The following TASP1 variants were observed in gnomAD, a reference collection of about 807,000 sequenced individuals.
TASP1 encodes taspase 1.
A neutral mutation model predicts 56.6 loss-of-function variants in TASP1; 16 were observed. The observed-to-expected ratio is 0.28, with a 90% CI of 0.19 to 0.43. The LOEUF (loss-of-function observed/expected upper bound fraction) is 0.43, where lower values mean the gene tolerates loss of function less well. Ranked by LOEUF, TASP1 falls within the 20% of genes least tolerant of loss-of-function variation. The pLI is 1.00. For missense variants in TASP1, 393 were observed against 511.6 expected (o/e 0.77, Z 2.24); for synonymous variants, 179 against 184.2 (o/e 0.97, Z 0.23).
intron 8 of TASP1, among the ~76,000 whole-genome samples, chr20:13,555,649 C>T (rs1157939404): frequency 6.6e-6 from 1 of 152,110 alleles, no homozygotes; most frequent in Non-Finnish European, 1.5e-5. Flanking sequence ...TCAAAGTCAT[C>T]CATGAGGCTT....
At chr20:13,497,282 G>T (rs2043767496) in intron 10 of TASP1, among the ~76,000 whole-genome samples, 1 of 152,190 alleles carries the variant, frequency 6.6e-6, no homozygotes, top group Non-Finnish European at 1.5e-5. Context: ...CTTACTGCAA[G>T]GCAGCAGCCA....
chr20:13,383,684 TAAG>T, the TASP1 span, among the ~76,000 whole-genome samples: 2 of 151,826 alleles, frequency 1.3e-5, no homozygotes, highest in Non-Finnish European at 2.9e-5. Context: ...CTGCATGGAG[TAAG>T]AAGGACACTC....
chr20:13,151,164 T>C, the TASP1 span, among the ~76,000 whole-genome samples: 1 of 152,242 alleles, frequency 6.6e-6, no homozygotes, highest in African/African-American at 2.4e-5. Flanking sequence ...TGGCTTACTC[T>C]GTCTCACAGA....
At chr20:13,154,226 G>C in the TASP1 span, 1 of 1,525,876 alleles carries the variant, frequency 6.6e-7, no homozygotes, top group Non-Finnish European at 8.9e-7. Context: ...TTATGCATCT[G>C]GAATGGGGTG....
At chr20:13,587,578 AC>A (rs144532745) in intron 4 of TASP1, among the ~76,000 whole-genome samples, 17,203 of 152,106 alleles carry the variant, frequency 0.11, 1,118 homozygotes, top group East Asian at 0.2. Context: ...GACCAAAAAA[AC>A]ATCAAAGAAA....
At chr20:13,525,615 C>G (rs1194073179) in intron 10 of TASP1, among the ~76,000 whole-genome samples, 1 of 152,174 alleles carries the variant, frequency 6.6e-6, no homozygotes, top group Non-Finnish European at 1.5e-5. Flanking sequence ...TCCTAAAATG[C>G]AGGCCAGGTC....
chr20:13,579,978 T>A (rs186347423), intron 6 of TASP1, among the ~76,000 whole-genome samples: 1 of 152,320 alleles, frequency 6.6e-6, no homozygotes, highest in African/African-American at 2.4e-5. Flanking sequence ...CACAGAACAT[T>A]AATGTAACCT....
At chr20:13,493,214 C>T (rs930175730) in intron 10 of TASP1, among the ~76,000 whole-genome samples, 1 of 152,100 alleles carries the variant, frequency 6.6e-6, no homozygotes, top group African/African-American at 2.4e-5. Flanking sequence ...ACGCTTCATC[C>T]CGTCTACCAT....
the TASP1 span, among the ~76,000 whole-genome samples, chr20:13,378,594 T>C: frequency 6.6e-6 from 1 of 152,216 alleles, no homozygotes. Flanking sequence ...TTAGGTCTGC[T>C]TGGTCCAGAG....
chr20:13,632,520 T>C (rs912137073), intron 1 of TASP1, among the ~76,000 whole-genome samples: 18 of 152,150 alleles, frequency 1.2e-4, no homozygotes, highest in African/African-American at 4.1e-4. Context: ...AAAAGAAATG[T>C]GGAAGGTGAT....
At chr20:13,317,425 G>A in the TASP1 span, among the ~76,000 whole-genome samples, 2 of 151,360 alleles carry the variant, frequency 1.3e-5, no homozygotes, top group Admixed American at 1.3e-4. Flanking sequence ...TTATTTCATA[G>A]ATATCAATAA....
the TASP1 span, among the ~76,000 whole-genome samples, chr20:13,144,121 G>A: frequency 1.3e-5 from 2 of 152,104 alleles, no homozygotes; most frequent in African/African-American, 4.8e-5. Context: ...TCCCATGACT[G>A]GAATCCAAAC....
intron 4 of TASP1, among the ~76,000 whole-genome samples, chr20:13,602,739 T>C (rs1285247428): frequency 1.3e-5 from 2 of 152,132 alleles, no homozygotes; most frequent in Non-Finnish European, 2.9e-5. Flanking sequence ...AAGAATCTAA[T>C]GCCACCACTG....
intron 4 of TASP1, among the ~76,000 whole-genome samples, chr20:13,595,733 T>G (rs2047704055): frequency 6.6e-6 from 1 of 152,200 alleles, no homozygotes; most frequent in Non-Finnish European, 1.5e-5. Flanking sequence ...AAGGAAGTTC[T>G]GAGAGACCTA....
At chr20:13,595,447 C>T (rs1046839882) in intron 4 of TASP1, among the ~76,000 whole-genome samples, 1 of 152,136 alleles carries the variant, frequency 6.6e-6, no homozygotes, top group African/African-American at 2.4e-5. Flanking sequence ...TATAAAGAGT[C>T]AAGACCCATC....
intron 6 of TASP1, among the ~76,000 whole-genome samples, chr20:13,576,211 A>AGGGGG: frequency 1.1e-3 from 1 of 902 alleles, no homozygotes; most frequent in East Asian, 0.016. Flanking sequence ...CAGAAGGGGG[A>AGGGGG]GGGGAGGGGA....
At chr20:13,209,711 A>C in the TASP1 span, among the ~76,000 whole-genome samples, 1 of 152,194 alleles carries the variant, frequency 6.6e-6, no homozygotes, top group East Asian at 1.9e-4. Flanking sequence ...TAGCTTATGA[A>C]AGTTCTATAA....
At chr20:13,159,719 T>A in the TASP1 span, among the ~76,000 whole-genome samples, 1 of 152,176 alleles carries the variant, frequency 6.6e-6, no homozygotes, top group Non-Finnish European at 1.5e-5. Context: ...CAGCATTTTC[T>A]GCTTGGTGTC....
the TASP1 span, chr20:13,221,746 G>C: frequency 7.3e-7 from 1 of 1,368,246 alleles, no homozygotes; most frequent in Admixed American, 3.2e-5. Context: ...CGGCCGCCGC[G>C]CCGGGTCCTA....
Sources: gnomAD v4.1 joint callset for allele counts (sites outside exome capture counted in the v4.1 genomes callset) on GRCh38, gnomAD v4.1.1 for gene constraint, MANE v1.5 for transcripts, NCBI Gene and HGNC (gene_info 2026-07-23, HGNC 2026-07-21) for gene names.